Variants in NCKAP5 observed in about 807,000 individuals in gnomAD.
NCKAP5 encodes the protein NCK associated protein 5.
NCKAP5 carries 92 observed loss-of-function variants against 167.0 expected under a neutral mutation model. That is an observed-to-expected ratio of 0.55 (90% CI 0.47 to 0.66). The LOEUF (loss-of-function observed/expected upper bound fraction) is 0.66, where lower values mean the gene tolerates loss of function less well. Among genes scored for constraint, NCKAP5 ranks in the 30% least tolerant of loss-of-function variants. NCKAP5 has a pLI of 0.00. For missense variants in NCKAP5, 2,378 were observed against 2,315.0 expected (o/e 1.03, Z -0.56); for synonymous variants, 891 against 877.4 (o/e 1.02, Z -0.27).
At chr2:133,666,186 CTTTTTTTTTTTT>C in the NCKAP5 span, among the ~76,000 whole-genome samples, 3 of 114,122 alleles carry the variant, frequency 2.6e-5, no homozygotes, top group Admixed American at 1.0e-4. Flanking sequence ...GATCTACATC[CTTTTTTTTTTTT>C]TTTTTTTTTT....
chr2:133,674,379 G>T, the NCKAP5 span, among the ~76,000 whole-genome samples: 3 of 152,246 alleles, frequency 2.0e-5, no homozygotes, highest in South Asian at 4.2e-4. Context: ...TAATCTCCAG[G>T]CACCTGGATA....
intron 3 of NCKAP5, among the ~76,000 whole-genome samples, chr2:133,365,872 C>T (rs1685426036): frequency 6.6e-6 from 1 of 152,090 alleles, no homozygotes; most frequent in South Asian, 2.1e-4. Context: ...ACAATTCAGT[C>T]CTTGGAAAAA....
intron 3 of NCKAP5, among the ~76,000 whole-genome samples, chr2:133,414,854 A>C (rs1166177129): frequency 1.3e-5 from 2 of 152,252 alleles, no homozygotes; most frequent in Non-Finnish European, 2.9e-5. Context: ...CGTATTCCTT[A>C]ACACATGAGT....
intron 8 of NCKAP5, among the ~76,000 whole-genome samples, chr2:132,947,291 A>G (rs1239018921): frequency 6.6e-6 from 1 of 152,228 alleles, no homozygotes; most frequent in African/African-American, 2.4e-5. Context: ...AACTCTTCAT[A>G]AAGGTCATTA....
chr2:133,099,039 A>T (rs996990430), intron 6 of NCKAP5, among the ~76,000 whole-genome samples: 3 of 152,200 alleles, frequency 2.0e-5, no homozygotes, highest in Non-Finnish European at 4.4e-5. Flanking sequence ...TTAAACAGAC[A>T]TTCATGGAAA....
At chr2:133,169,677 C>T (rs1339883754) in intron 5 of NCKAP5, among the ~76,000 whole-genome samples, 1 of 152,152 alleles carries the variant, frequency 6.6e-6, no homozygotes, top group African/African-American at 2.4e-5. Flanking sequence ...GTGTGTGCGG[C>T]GAGCCCACAC....
At chr2:133,418,608 C>G (rs1442104451) in intron 3 of NCKAP5, among the ~76,000 whole-genome samples, 1 of 152,152 alleles carries the variant, frequency 6.6e-6, no homozygotes, top group Admixed American at 6.5e-5. Context: ...TTATTTTATT[C>G]TTGCCTCTCC....
intron 16 of NCKAP5, among the ~76,000 whole-genome samples, chr2:132,734,847 A>G (rs1367598705): frequency 6.7e-6 from 1 of 150,066 alleles, no homozygotes; most frequent in Non-Finnish European, 1.5e-5. Flanking sequence ...TCCCCGCAGA[A>G]GCACAAGTAA....
At chr2:133,496,815 G>A (rs534998908) in intron 3 of NCKAP5, among the ~76,000 whole-genome samples, 16 of 152,058 alleles carry the variant, frequency 1.1e-4, no homozygotes, top group Non-Finnish European at 1.3e-4. Context: ...AGCCACTGAG[G>A]CTCTTATAAT....
At chr2:133,534,315 C>T (rs967668666) in intron 2 of NCKAP5, among the ~76,000 whole-genome samples, 50 of 152,258 alleles carry the variant, frequency 3.3e-4, no homozygotes, top group African/African-American at 1.1e-3. Flanking sequence ...TTCATTGCAT[C>T]TAATTTACAG....
intron 6 of NCKAP5, among the ~76,000 whole-genome samples, chr2:133,031,635 C>T (rs1243504592): frequency 6.6e-6 from 1 of 151,406 alleles, no homozygotes; most frequent in Non-Finnish European, 1.5e-5. Flanking sequence ...CCAGCTGGGG[C>T]AGCCAAGGGA....
intron 3 of NCKAP5, among the ~76,000 whole-genome samples, chr2:133,488,723 A>G (rs1681143499): frequency 6.6e-6 from 1 of 151,952 alleles, no homozygotes; most frequent in African/African-American, 2.4e-5. Context: ...AGAGATCAAG[A>G]CGGCCAACAC....
At chr2:133,440,360 G>A (rs957498226) in intron 3 of NCKAP5, among the ~76,000 whole-genome samples, 1 of 152,154 alleles carries the variant, frequency 6.6e-6, no homozygotes, top group African/African-American at 2.4e-5. Flanking sequence ...GGACTGGTAT[G>A]CAGTAGGAGC....
At chr2:133,283,417 T>G (rs2089997922) in intron 4 of NCKAP5, among the ~76,000 whole-genome samples, 5 of 152,224 alleles carry the variant, frequency 3.3e-5, no homozygotes, top group Admixed American at 1.3e-4. Flanking sequence ...CTATAGATTC[T>G]ATAGATATAA....
At chr2:133,058,985 A>G (rs1329701214) in intron 6 of NCKAP5, among the ~76,000 whole-genome samples, 1 of 152,206 alleles carries the variant, frequency 6.6e-6, no homozygotes, top group East Asian at 1.9e-4. Context: ...CACTGAGACA[A>G]GACTCTCCAC....
intron 8 of NCKAP5, among the ~76,000 whole-genome samples, chr2:132,917,430 C>A (rs188518760): frequency 6.6e-6 from 1 of 152,068 alleles, no homozygotes; most frequent in Non-Finnish European, 1.5e-5. Flanking sequence ...CTTATTTAAC[C>A]GCCAGGATTG....
the NCKAP5 span, among the ~76,000 whole-genome samples, chr2:133,603,288 G>T: frequency 3.7e-3 from 555 of 148,324 alleles, 6 homozygotes; most frequent in African/African-American, 0.013. Flanking sequence ...GTGCGATGGC[G>T]CAATCTCAAA....
chr2:133,154,878 T>C (rs2083516761), intron 5 of NCKAP5, among the ~76,000 whole-genome samples: 1 of 152,230 alleles, frequency 6.6e-6, no homozygotes, highest in Admixed American at 6.5e-5. Flanking sequence ...GAGTTCAAAA[T>C]ATAATGCGAT....
At chr2:133,400,646 C>A (rs1192330405) in intron 3 of NCKAP5, among the ~76,000 whole-genome samples, 2 of 152,192 alleles carry the variant, frequency 1.3e-5, no homozygotes, top group Non-Finnish European at 2.9e-5. Context: ...TCATTGCAGG[C>A]AGCTGGCCTC....
Sources: allele counts gnomAD v4.1 joint callset (sites outside exome capture counted in the v4.1 genomes callset), GRCh38; gene constraint gnomAD v4.1.1; transcripts MANE v1.5; gene names NCBI Gene and HGNC (gene_info 2026-07-23, HGNC 2026-07-21).